GDPD4: variants seen among roughly 807,000 people sequenced by gnomAD.
GDPD4 encodes glycerophosphodiester phosphodiesterase domain containing 4.
GDPD4 carries 60 observed loss-of-function variants against 67.8 expected under a neutral mutation model. The ratio of observed to expected loss-of-function variants is 0.88; its 90% CI spans 0.72 to 1.10. The LOEUF is 1.10. GDPD4 is among the 50% of genes least tolerant of loss of function. The pLI is 0.00. For missense variants in GDPD4, 623 were observed against 613.9 expected (o/e 1.01, Z -0.16); for synonymous variants, 212 against 210.9 (o/e 1.00, Z -0.04).
intron 10 of GDPD4, among the ~76,000 whole-genome samples, chr11:77,265,017 T>G (rs1959171865): frequency 6.6e-6 from 1 of 152,106 alleles, no homozygotes; most frequent in African/African-American, 2.4e-5. Context: ...ATCTGTTTAA[T>G]AAGACAACCT....
At chr11:77,300,273 G>A (rs954483515) in intron 1 of GDPD4, among the ~76,000 whole-genome samples, 2 of 152,120 alleles carry the variant, frequency 1.3e-5, no homozygotes, top group Non-Finnish European at 1.5e-5. Flanking sequence ...ATAGGGGAAC[G>A]ACACAGCAGC....
intron 11 of GDPD4, among the ~76,000 whole-genome samples, chr11:77,246,036 T>C (rs527270902): frequency 6.6e-6 from 1 of 152,318 alleles, no homozygotes; most frequent in African/African-American, 2.4e-5. Flanking sequence ...ATCATGCCTT[T>C]AATCCCAGCA....
chr11:77,301,169 G>A (rs886172306), intron 1 of GDPD4, among the ~76,000 whole-genome samples: 1 of 152,098 alleles, frequency 6.6e-6, no homozygotes, highest in Non-Finnish European at 1.5e-5. Flanking sequence ...TATCCGACAG[G>A]CTACTGAAAT....
chr11:77,279,201 T>G (rs561842291), intron 4 of GDPD4, 105 bp downstream of exon 4: 1 of 666,790 alleles, frequency 1.5e-6, no homozygotes, highest in African/African-American at 1.8e-5. Flanking sequence ...AGAGTGATCT[T>G]AGGTTCTGAG....
chr11:77,221,213 G>GT (rs1194746056), intron 16 of GDPD4, among the ~76,000 whole-genome samples: 5 of 151,970 alleles, frequency 3.3e-5, no homozygotes, highest in Admixed American at 6.5e-5. Flanking sequence ...TTTTTGAAGG[G>GT]TTTTTTTGTG....
chr11:77,274,894 G>A (rs1959383283), intron 5 of GDPD4, among the ~76,000 whole-genome samples: 1 of 152,184 alleles, frequency 6.6e-6, no homozygotes, highest in African/African-American at 2.4e-5. Context: ...TGGAAAGGGT[G>A]GGTCAGAGTG....
At position 77,283,537 on chromosome 11, in the gene GDPD4, A is replaced by G. The variant is rs573566716; in HGVS notation, c.53+1548T>C. 1.1e-4 allele frequency among the ~76,000 whole-genome samples: 17 copies of G among 152,190 alleles called. 1 individual carries two copies. In the South Asian group the frequency reaches 2.1e-3, roughly 19 times the overall value. ...TAAATATAAATAAATAAATTATACC[A>G]TAGCATTTATATTTTAAATTGAAAT... is the stretch of plus-strand genomic sequence containing the variant. On this transcript the variant is annotated intron_variant, in intron 3 of 16. Transcript: ENST00000315938.
chr11:77,281,987 G>A (rs1486550314), intron 3 of GDPD4, among the ~76,000 whole-genome samples: 2 of 152,098 alleles, frequency 1.3e-5, no homozygotes, highest in Non-Finnish European at 2.9e-5. Flanking sequence ...ATAAAAAAAA[G>A]TAAATATGTA....
intron 16 of GDPD4, among the ~76,000 whole-genome samples, chr11:77,219,683 G>A (rs1489653232): frequency 6.6e-6 from 1 of 152,140 alleles, no homozygotes; most frequent in Non-Finnish European, 1.5e-5. Context: ...AGATCAGATG[G>A]TTATAGATGT....
intron 13 of GDPD4, among the ~76,000 whole-genome samples, chr11:77,234,462 AC>A (rs924503247): frequency 1.3e-5 from 2 of 152,124 alleles, no homozygotes; most frequent in Non-Finnish European, 2.9e-5. Context: ...TGAACATAGT[AC>A]CCCACAGGTA....
chr11:77,254,042 A>T (rs1004271138), intron 11 of GDPD4, among the ~76,000 whole-genome samples: 1 of 152,016 alleles, frequency 6.6e-6, no homozygotes, highest in Non-Finnish European at 1.5e-5. Flanking sequence ...TAAGGGATGA[A>T]GGGGTGCTGT....
chr11:77,270,244 G>C (rs1294048053), intron 7 of GDPD4, among the ~76,000 whole-genome samples: 1 of 152,204 alleles, frequency 6.6e-6, no homozygotes, highest in African/African-American at 2.4e-5. Flanking sequence ...AAACAGTTTA[G>C]TGTACAGATC....
chr11:77,245,541 T>C (rs995904742), intron 11 of GDPD4, 39 bp from the exon 12 acceptor site: 1 of 1,418,326 alleles, frequency 7.1e-7, no homozygotes, highest in Non-Finnish European at 9.9e-7. Context: ...AAAAGCACTT[T>C]CCAGTTCTCC....
chr11:77,224,214 G>A (rs997426325), intron 16 of GDPD4: 6 of 152,188 alleles, frequency 3.9e-5, no homozygotes, highest in African/African-American at 1.4e-4. Flanking sequence ...TGTCCAACCA[G>A]TCCCAGTGAG....
At chr11:77,289,182 T>C (rs1009458842) in intron 1 of GDPD4, among the ~76,000 whole-genome samples, 1 of 151,814 alleles carries the variant, frequency 6.6e-6, no homozygotes, top group Non-Finnish European at 1.5e-5. Flanking sequence ...GCCAACATGA[T>C]GAAAACTCGT....
At chr11:77,289,013 CAGA>C (rs1191616163) in intron 1 of GDPD4, among the ~76,000 whole-genome samples, 2 of 146,634 alleles carry the variant, frequency 1.4e-5, no homozygotes, top group Non-Finnish European at 3.0e-5. Flanking sequence ...GTGAAAGAAA[CAGA>C]AGGAGGGGAG....
intron 16 of GDPD4, among the ~76,000 whole-genome samples, chr11:77,221,537 A>C (rs1045775214): frequency 1.3e-5 from 2 of 152,052 alleles, no homozygotes; most frequent in Non-Finnish European, 2.9e-5. Flanking sequence ...TGTAGTTGAG[A>C]GGTTTTGAGT....
chr11:77,252,673 A>G (rs1010563157), intron 11 of GDPD4, among the ~76,000 whole-genome samples: 2 of 152,050 alleles, frequency 1.3e-5, no homozygotes, highest in Non-Finnish European at 2.9e-5. Flanking sequence ...CTAGAGAAAG[A>G]TTTTCACCTG....
At chr11:77,291,884 G>A (rs1937788491) in intron 1 of GDPD4, among the ~76,000 whole-genome samples, 1 of 152,136 alleles carries the variant, frequency 6.6e-6, no homozygotes, top group Non-Finnish European at 1.5e-5. Context: ...TACAAAATTA[G>A]CTGGGCATGG....
Sources: gnomAD v4.1 joint callset for allele counts (sites outside exome capture counted in the v4.1 genomes callset) on GRCh38, gnomAD v4.1.1 for gene constraint, MANE v1.5 for transcripts, NCBI Gene and HGNC (gene_info 2026-07-23, HGNC 2026-07-21) for gene names.